HS3ST4: variants seen among roughly 807,000 people sequenced by gnomAD.
The protein encoded by HS3ST4 is heparan sulfate glucosamine 3-O-sulfotransferase 4.
A neutral mutation model predicts 29.2 loss-of-function variants in HS3ST4; 17 were observed. The observed-to-expected ratio is 0.58, with a 90% CI of 0.40 to 0.87. The LOEUF is 0.87. Among genes scored for constraint, HS3ST4 ranks in the 40% least tolerant of loss-of-function variants. The probability of loss-of-function intolerance (pLI) is 0.00; values close to 1 mark genes in which losing one functional copy is unlikely to be tolerated. For missense variants in HS3ST4, 627 were observed against 634.5 expected (o/e 0.99, Z 0.13); for synonymous variants, 314 against 285.7 (o/e 1.10, Z -1.00).
intron 1 of HS3ST4, among the ~76,000 whole-genome samples, chr16:25,863,390 G>A (rs1233788256): frequency 5.9e-5 from 9 of 152,116 alleles, no homozygotes; most frequent in African/African-American, 1.7e-4. Context: ...CGTGTTTGAA[G>A]TCTTATGTGT....
intron 1 of HS3ST4, among the ~76,000 whole-genome samples, chr16:26,111,806 C>T (rs1899132398): frequency 6.6e-6 from 1 of 152,134 alleles, no homozygotes; most frequent in Non-Finnish European, 1.5e-5. Context: ...ATCACTAGGT[C>T]AAGAGATTGA....
intron 1 of HS3ST4, among the ~76,000 whole-genome samples, chr16:25,984,486 T>C (rs1202193589): frequency 6.6e-6 from 1 of 152,194 alleles, no homozygotes; most frequent in African/African-American, 2.4e-5. Flanking sequence ...ACCAGGTTTC[T>C]AATAGGCCAC....
At chr16:26,093,732 G>C (rs1293379441) in intron 1 of HS3ST4, among the ~76,000 whole-genome samples, 1 of 152,194 alleles carries the variant, frequency 6.6e-6, no homozygotes, top group Non-Finnish European at 1.5e-5. Context: ...CTCCTTGCCA[G>C]CAACGGAACA....
chr16:25,951,549 A>T (rs1423828672), intron 1 of HS3ST4, among the ~76,000 whole-genome samples: 1 of 152,188 alleles, frequency 6.6e-6, no homozygotes. Flanking sequence ...AATTTAAAGA[A>T]TGTCCAACCT....
At chr16:26,011,430 C>T (rs1969309766) in intron 1 of HS3ST4, among the ~76,000 whole-genome samples, 1 of 152,100 alleles carries the variant, frequency 6.6e-6, no homozygotes, top group Non-Finnish European at 1.5e-5. Flanking sequence ...CGTGGTGGCA[C>T]ACATCTGTAA....
intron 1 of HS3ST4, among the ~76,000 whole-genome samples, chr16:25,839,440 A>G (rs1172917391): frequency 6.6e-6 from 1 of 152,058 alleles, no homozygotes; most frequent in Non-Finnish European, 1.5e-5. Context: ...TATTCCCATA[A>G]TTTTCTACCT....
chr16:26,046,212 G>A (rs933504340), intron 1 of HS3ST4, among the ~76,000 whole-genome samples: 9 of 147,214 alleles, frequency 6.1e-5, no homozygotes, highest in Non-Finnish European at 1.0e-4. Context: ...GTGCAATGGC[G>A]TGATCTCGGC....
chr16:26,113,437 C>A (rs1899160485), intron 1 of HS3ST4, among the ~76,000 whole-genome samples: 1 of 96,500 alleles, frequency 1.0e-5, no homozygotes, highest in Non-Finnish European at 2.2e-5. Flanking sequence ...CAGAGTGAGA[C>A]TCTGTCTCAA....
intron 1 of HS3ST4, among the ~76,000 whole-genome samples, chr16:25,935,352 G>T (rs1215539429): frequency 1.3e-5 from 2 of 152,082 alleles, no homozygotes; most frequent in Admixed American, 6.6e-5. Flanking sequence ...TTGCATTAGG[G>T]TTCACTCTTG....
chr16:25,889,908 TC>T (rs2141668353), intron 1 of HS3ST4, among the ~76,000 whole-genome samples: 1 of 23,110 alleles, frequency 4.3e-5, no homozygotes, highest in South Asian at 2.3e-3. Context: ...CTATACATGC[TC>T]TCTCTCTCTC....
chr16:25,777,412 AGTGTGTGTGT>A (rs56191219), intron 1 of HS3ST4, among the ~76,000 whole-genome samples: 256 of 147,986 alleles, frequency 1.7e-3, no homozygotes, highest in African/African-American at 5.7e-3. Flanking sequence ...AGCACACCAA[AGTGTGTGTGT>A]GTGTGTGTGT....
At chr16:26,112,908 G>C (rs1273914461) in intron 1 of HS3ST4, among the ~76,000 whole-genome samples, 1 of 57,772 alleles carries the variant, frequency 1.7e-5, no homozygotes, top group Non-Finnish European at 4.6e-5. Flanking sequence ...AAACAAAGTG[G>C]CATTAGCTTT....
intron 1 of HS3ST4, among the ~76,000 whole-genome samples, chr16:25,894,405 A>C (rs765315288): frequency 3.9e-5 from 6 of 152,174 alleles, no homozygotes; most frequent in Non-Finnish European, 8.8e-5. Context: ...ATCCGAAAGC[A>C]GAGTGGGAAG....
At chr16:26,078,003 A>T (rs1567307287) in intron 1 of HS3ST4, among the ~76,000 whole-genome samples, 1 of 152,202 alleles carries the variant, frequency 6.6e-6, no homozygotes, top group Non-Finnish European at 1.5e-5. Context: ...AAAGTTGAGG[A>T]TGCAGTGAGC....
intron 1 of HS3ST4, among the ~76,000 whole-genome samples, chr16:26,020,433 A>G (rs1424528673): frequency 6.6e-6 from 1 of 152,198 alleles, no homozygotes; most frequent in Non-Finnish European, 1.5e-5. Flanking sequence ...AAAAGCTCTG[A>G]CCATTCCCAC....
intron 1 of HS3ST4, chr16:25,824,912 G>T (rs563972314): frequency 2.6e-5 from 4 of 152,274 alleles, no homozygotes; most frequent in African/African-American, 9.6e-5. Context: ...CTCAAAATAT[G>T]TTGAAGTCCT....
intron 1 of HS3ST4, among the ~76,000 whole-genome samples, chr16:25,935,484 C>T (rs906158252): frequency 5.9e-5 from 9 of 152,154 alleles, no homozygotes; most frequent in Admixed American, 2.0e-4. Context: ...ATTCTCCCCT[C>T]CCCCAGCTCC....
chr16:25,985,312 G>A (rs1468944218), intron 1 of HS3ST4, among the ~76,000 whole-genome samples: 1 of 152,226 alleles, frequency 6.6e-6, no homozygotes, highest in African/African-American at 2.4e-5. Flanking sequence ...CTAGGAGATG[G>A]TCAGTAGTTG....
At chr16:26,082,165 C>A (rs759623903) in intron 1 of HS3ST4, among the ~76,000 whole-genome samples, 1 of 152,128 alleles carries the variant, frequency 6.6e-6, no homozygotes, top group African/African-American at 2.4e-5. Context: ...TACAATAGAG[C>A]CTCTATGGAG....
Sources: allele counts gnomAD v4.1 joint callset (sites outside exome capture counted in the v4.1 genomes callset), GRCh38; gene constraint gnomAD v4.1.1; transcripts MANE v1.5; gene names NCBI Gene and HGNC (gene_info 2026-07-23, HGNC 2026-07-21).